Variants in CABCOCO1 observed in about 807,000 individuals in gnomAD.
CABCOCO1 encodes ciliary associated calcium binding coiled-coil 1.
A neutral mutation model predicts 35.7 loss-of-function variants in CABCOCO1; 28 were observed. That is an observed-to-expected ratio of 0.78 (90% CI 0.58 to 1.07). The LOEUF is 1.07. CABCOCO1 is among the 50% of genes least tolerant of loss of function. The pLI is 0.00. For synonymous variants in CABCOCO1, 95 were observed against 100.1 expected, an observed-to-expected ratio of 0.95 and a Z score of 0.30; for missense variants, 326 against 309.2, an observed-to-expected ratio of 1.05 and a Z score of -0.41.
Position 61,679,450 on chromosome 10 carries a change from C to G in CABCOCO1, c.165-1693C>G, listed in dbSNP as rs145812166. On this transcript the variant is annotated intron_variant, in intron 2 of 7. Transcript: ENST00000648843. ...TGTGCAGGCTTGGAGCAGATCCTTT[C>G]TGTAGCACAGGAAATTGACTGTTTA... 2.0e-5 allele frequency among the ~76,000 whole-genome samples: 3 copies of G among 152,270 alleles called. No homozygotes were observed. The East Asian group carries it at 5.8e-4, about 29-fold the overall frequency.
At chr10:61,731,801 GA>G (rs146501151) in intron 5 of CABCOCO1, among the ~76,000 whole-genome samples, 15,499 of 137,386 alleles carry the variant, frequency 0.11, 1,128 homozygotes, top group East Asian at 0.19. Flanking sequence ...GGAAGGGGGG[GA>G]AAGTTTCTTT....
chr10:61,698,458 G>A (rs1840352119), intron 5 of CABCOCO1, among the ~76,000 whole-genome samples: 1 of 152,008 alleles, frequency 6.6e-6, no homozygotes, highest in Non-Finnish European at 1.5e-5. Context: ...TAATAAATAT[G>A]ATATACTTAG....
chr10:61,750,716 C>G (rs1402514302), intron 5 of CABCOCO1, among the ~76,000 whole-genome samples: 1 of 152,216 alleles, frequency 6.6e-6, no homozygotes, highest in Admixed American at 6.5e-5. Context: ...AATACAATGA[C>G]TAGGTTTGCT....
chr10:61,703,362 G>T (rs1840510749), intron 5 of CABCOCO1, among the ~76,000 whole-genome samples: 1 of 150,632 alleles, frequency 6.6e-6, no homozygotes, highest in Non-Finnish European at 1.5e-5. Flanking sequence ...AAATAATAAG[G>T]GACTTTCATA....
At position 61,760,078 on chromosome 10, in the gene CABCOCO1, A is replaced by C; in HGVS notation, c.572A>C (p.Lys191Thr). Residue 191 changes from lysine to threonine, a missense_variant, in exon 6 of 8, where the codon AAG becomes ACG. Coordinates refer to ENST00000648843, the MANE Select transcript of CABCOCO1 (RefSeq NM_001366906.2). ...CATCAGCAAGTGATAGAGGTTGTCAAGTCTGCATGTGGCCCTTTCCCAAAT... is the reference window on the plus strand; with the variant it reads ...CATCAGCAAGTGATAGAGGTTGTCACGTCTGCATGTGGCCCTTTCCCAAAT... ...IGTEQVIEVVKSACGPFPNPL... is the reference protein window; with the variant it reads ...IGTEQVIEVVTSACGPFPNPL... 1 of 1,612,936 alleles carries C rather than the reference A, an allele frequency of 6.2e-7. No homozygotes were observed. Among genetic ancestry groups the C allele is most frequent in the African/African-American group, 1.3e-5 (1 of 74,974 alleles).
At chr10:61,694,956 T>A (rs1237919660) in intron 5 of CABCOCO1, among the ~76,000 whole-genome samples, 3 of 152,114 alleles carry the variant, frequency 2.0e-5, no homozygotes, top group Non-Finnish European at 4.4e-5. Context: ...ATGTGTATAG[T>A]GTTGTTAACT....
chr10:61,676,664 TC>T, intron 2 of CABCOCO1, among the ~76,000 whole-genome samples: 1 of 152,070 alleles, frequency 6.6e-6, no homozygotes, highest in Non-Finnish European at 1.5e-5. Flanking sequence ...AGGGTTAATA[TC>T]CCTAAGTATG....
chr10:61,713,683 C>T (rs1840788112), intron 5 of CABCOCO1, among the ~76,000 whole-genome samples: 1 of 152,084 alleles, frequency 6.6e-6, no homozygotes, highest in Non-Finnish European at 1.5e-5. Flanking sequence ...GAGATACGTT[C>T]CATCAATACC....
At chr10:61,703,991 AGAAC>A (rs1447273454) in intron 5 of CABCOCO1, among the ~76,000 whole-genome samples, 6 of 152,102 alleles carry the variant, frequency 3.9e-5, no homozygotes, top group African/African-American at 1.4e-4. Context: ...GTGGGCAGAT[AGAAC>A]ACTTGAGGCC....
At chr10:61,731,039 A>G (rs1210151404) in intron 5 of CABCOCO1, among the ~76,000 whole-genome samples, 1 of 150,952 alleles carries the variant, frequency 6.6e-6, no homozygotes, top group Non-Finnish European at 1.5e-5. Context: ...CATTCTTGGG[A>G]TAATTGGCAA....
At chr10:61,758,021 T>G (rs888393861) in intron 5 of CABCOCO1, among the ~76,000 whole-genome samples, 3 of 152,010 alleles carry the variant, frequency 2.0e-5, no homozygotes, top group Non-Finnish European at 4.4e-5. Context: ...ACAAATATGG[T>G]GACAGTAGAC....
At chr10:61,731,602 G>A (rs1841303155) in intron 5 of CABCOCO1, among the ~76,000 whole-genome samples, 1 of 151,726 alleles carries the variant, frequency 6.6e-6, no homozygotes, top group Non-Finnish European at 1.5e-5. Context: ...AAATTAAACA[G>A]ATTTTTGCAG....
rs963716790 is a variant in CABCOCO1, at chr10:61,680,737, T to A, written c.165-406T>A. ...TATAACATATATATTATATATATAA[T>A]ATATATATCTCAGAATATTTAACAA... On this transcript the variant is annotated intron_variant, in intron 2 of 7. Coordinates refer to ENST00000648843, the MANE Select transcript of CABCOCO1 (RefSeq NM_001366906.2). Among the ~76,000 whole-genome samples the A allele has an allele frequency of 3.2e-4, 21 of 66,420 alleles. 1 individual carries two copies. The highest frequency in any genetic ancestry group is 6.2e-4 in the Non-Finnish European group (17 of 27,206). 43.6% of individuals were successfully genotyped at this position (66,420 alleles called of 152,430 possible).
chr10:61,688,620 T>G (rs972399236), intron 4 of CABCOCO1, among the ~76,000 whole-genome samples: 1 of 152,170 alleles, frequency 6.6e-6, no homozygotes, highest in Non-Finnish European at 1.5e-5. Flanking sequence ...TACCTATTTT[T>G]GGGAATTAGG....
chr10:61,725,736 T>C (rs567828040), intron 5 of CABCOCO1, among the ~76,000 whole-genome samples: 1 of 152,244 alleles, frequency 6.6e-6, no homozygotes, highest in Admixed American at 6.5e-5. Flanking sequence ...TGTGAACATG[T>C]ACCTTAGAAC....
At chr10:61,748,999 G>C (rs1440043927) in intron 5 of CABCOCO1, among the ~76,000 whole-genome samples, 22 of 152,080 alleles carry the variant, frequency 1.4e-4, no homozygotes, top group Non-Finnish European at 3.2e-4. Context: ...AATTATATCA[G>C]CCATGAAAAT....
chr10:61,670,063 T>C (rs1839311105), intron 1 of CABCOCO1, among the ~76,000 whole-genome samples: 1 of 152,064 alleles, frequency 6.6e-6, no homozygotes, highest in Admixed American at 6.6e-5. Context: ...CATCAGATGA[T>C]GAAGATGAAT....
At chr10:61,751,540 T>C (rs1841785865) in intron 5 of CABCOCO1, among the ~76,000 whole-genome samples, 1 of 151,996 alleles carries the variant, frequency 6.6e-6, no homozygotes, top group Non-Finnish European at 1.5e-5. Context: ...AGGAGCAGGT[T>C]TGGGGAAGGT....
At chr10:61,680,063 C>T (rs552589980) in intron 2 of CABCOCO1, among the ~76,000 whole-genome samples, 1 of 151,932 alleles carries the variant, frequency 6.6e-6, no homozygotes, top group East Asian at 1.9e-4. Context: ...GTAATCCCAG[C>T]ACTTTGAGAG....
Sources: gnomAD v4.1 joint callset for allele counts (sites outside exome capture counted in the v4.1 genomes callset) on GRCh38, gnomAD v4.1.1 for gene constraint, MANE v1.5 for transcripts, NCBI Gene and HGNC (gene_info 2026-07-23, HGNC 2026-07-21) for gene names.